The following ENPP3 variants were observed in gnomAD, a reference collection of about 807,000 sequenced individuals.
ENPP3 encodes the protein ectonucleotide pyrophosphatase/phosphodiesterase 3, also known as ectonucleotide pyrophosphatase/phosphodiesterase family member 3.
ENPP3 carries 104 observed loss-of-function variants against 117.8 expected under a neutral mutation model. The observed-to-expected ratio is 0.88, with a 90% CI of 0.75 to 1.04. The LOEUF (loss-of-function observed/expected upper bound fraction) is 1.04. Among genes scored for constraint, ENPP3 ranks in the 50% least tolerant of loss-of-function variants. ENPP3 has a pLI of 0.00. For missense variants in ENPP3, 1,026 were observed against 1,051.9 expected, an observed-to-expected ratio of 0.98 and a Z score of 0.34; for synonymous variants, 380 against 349.9, an observed-to-expected ratio of 1.09 and a Z score of -0.96.
At position 131,735,640 on chromosome 6, in the gene ENPP3, A is replaced by G. The variant is rs141776480; in HGVS notation, c.2090-1715A>G. 2.9e-4 allele frequency among the ~76,000 whole-genome samples: 44 copies of G among 152,332 alleles called. No individual in the cohort carries two copies. In the East Asian group the frequency reaches 7.7e-3, roughly 27 times the overall value. On this transcript the variant is annotated intron_variant, in intron 21 of 24. Transcript: ENST00000357639. ...TAAGATATCCAAGTACAGTTTAAGTATAAAAAGTATTATAATAGAAAATTC... is the reference window on the plus strand; with the variant it reads ...TAAGATATCCAAGTACAGTTTAAGTGTAAAAAGTATTATAATAGAAAATTC...
At chr6:131,723,477 T>A (rs1780079723) in intron 18 of ENPP3, among the ~76,000 whole-genome samples, 1 of 152,140 alleles carries the variant, frequency 6.6e-6, no homozygotes, top group Non-Finnish European at 1.5e-5. Context: ...TAAAACATGC[T>A]CAGAGAAGTT....
chr6:131,678,307 T>G (rs1482087945), intron 11 of ENPP3, among the ~76,000 whole-genome samples: 1 of 152,224 alleles, frequency 6.6e-6, no homozygotes, highest in Non-Finnish European at 1.5e-5. Context: ...GCAAGTCCAC[T>G]GTGGTATATC....
chr6:131,668,186 G>A (rs572713864), intron 6 of ENPP3, among the ~76,000 whole-genome samples: 1 of 138,884 alleles, frequency 7.2e-6, no homozygotes, highest in Admixed American at 7.2e-5. Context: ...GTTTTTTTTT[G>A]AGTCGGAGTC....
chr6:131,724,990 C>G (rs1430676295), intron 19 of ENPP3, among the ~76,000 whole-genome samples: 1 of 149,586 alleles, frequency 6.7e-6, no homozygotes, highest in African/African-American at 2.5e-5. Flanking sequence ...AGACAGATCA[C>G]TTGAGGTGAG....
chr6:131,693,793 T>C (rs1779343612), intron 15 of ENPP3, among the ~76,000 whole-genome samples, 169 bp downstream of exon 15: 1 of 152,224 alleles, frequency 6.6e-6, no homozygotes, highest in East Asian at 1.9e-4. Flanking sequence ...GTGATCGTTA[T>C]TAGATTGCTG....
At chr6:131,659,967 T>A (rs2114341215) in intron 6 of ENPP3, among the ~76,000 whole-genome samples, 2 of 152,340 alleles carry the variant, frequency 1.3e-5, no homozygotes, top group South Asian at 4.1e-4. Flanking sequence ...ATTCAGCCAC[T>A]AAGAGCTTTC....
chr6:131,716,495 G>C (rs1302652304), intron 15 of ENPP3, among the ~76,000 whole-genome samples: 1 of 151,420 alleles, frequency 6.6e-6, no homozygotes, highest in East Asian at 2.0e-4. Flanking sequence ...ACCATAGTAC[G>C]AGCATTAGAA....
At chr6:131,682,919 G>T (rs1779056711) in intron 11 of ENPP3, 135 bp from the exon 12 acceptor site, 1 of 657,828 alleles carries the variant, frequency 1.5e-6, no homozygotes, top group Non-Finnish European at 2.7e-6. Context: ...GGGTGCTAGT[G>T]CTGGGCTCTG....
intron 15 of ENPP3, among the ~76,000 whole-genome samples, chr6:131,696,705 G>A (rs561971445): frequency 6.6e-6 from 1 of 151,550 alleles, no homozygotes; most frequent in South Asian, 2.1e-4. Context: ...GCCAAGCCTT[G>A]AACACTGCCA....
chr6:131,646,276 G>C (rs961233706), intron 2 of ENPP3, among the ~76,000 whole-genome samples: 4 of 90,366 alleles, frequency 4.4e-5, no homozygotes, highest in African/African-American at 8.9e-5. Context: ...TCAATACTCT[G>C]TGTGTGTGTG....
At chr6:131,716,269 A>G (rs1779886147) in intron 15 of ENPP3, among the ~76,000 whole-genome samples, 2 of 152,332 alleles carry the variant, frequency 1.3e-5, no homozygotes, top group Middle Eastern at 6.8e-3. Flanking sequence ...GTAACTTCCA[A>G]AGCTAAATTA....
At chr6:131,640,635 TA>T (rs1282061584) in intron 1 of ENPP3, among the ~76,000 whole-genome samples, 4 of 152,250 alleles carry the variant, frequency 2.6e-5, no homozygotes, top group Non-Finnish European at 4.4e-5. Context: ...TGTCTGAAAC[TA>T]TAACAAAGGT....
At chr6:131,745,737 A>G (rs1005118669) in intron 24 of ENPP3, among the ~76,000 whole-genome samples, 3 of 152,218 alleles carry the variant, frequency 2.0e-5, no homozygotes. Context: ...ATGTGGGGAA[A>G]TGGGAATTAT....
chr6:131,722,234 A>G lies in ENPP3; in HGVS notation c.1575A>G (p.Leu525=). 6.2e-7 allele frequency: 1 copy of G among 1,610,924 alleles called. No homozygotes were observed. Among genetic ancestry groups the G allele is most frequent in the Non-Finnish European group, 8.5e-7 (1 of 1,179,044 alleles). The change falls in exon 18 of 25, where the codon CTA becomes CTG. Residue 525 remains leucine, a synonymous_variant. Coordinates refer to ENST00000357639, the MANE Select transcript of ENPP3 (RefSeq NM_005021.5). ...AATTTTTTCAAAAAACAGATCTTCT[A>G]CGCATTCAACCAGCACCAAACAATG... ...IEVYNLMCDL[L]RIQPAPNNGT...
intron 7 of ENPP3, among the ~76,000 whole-genome samples, chr6:131,672,622 C>T (rs1778770001): frequency 6.6e-6 from 1 of 151,860 alleles, no homozygotes; most frequent in African/African-American, 2.4e-5. Context: ...GTGTTCATGA[C>T]AACTTTATAG....
chr6:131,684,604 G>A lies in ENPP3; in HGVS notation c.1121-760G>A, dbSNP rs753869590. On this transcript the variant is annotated intron_variant, in intron 12 of 24. Coordinates refer to ENST00000357639, the MANE Select transcript of ENPP3 (RefSeq NM_005021.5). Reference sequence around the variant, plus strand: ...TGAGACAGGAGAATCACTTGAACCCGGGAAGTGGAGGCTGCAGTGCAGTGA... The same window carrying A: ...TGAGACAGGAGAATCACTTGAACCCAGGAAGTGGAGGCTGCAGTGCAGTGA... Among the ~76,000 whole-genome samples the A allele has an allele frequency of 2.6e-4, 40 of 151,768 alleles. 1 individual carries two copies. The highest frequency in any genetic ancestry group is 7.3e-5 in the African/African-American group (3 of 41,300).
chr6:131,687,912 A>T (rs1461622570), intron 14 of ENPP3, among the ~76,000 whole-genome samples: 1 of 152,198 alleles, frequency 6.6e-6, no homozygotes, highest in African/African-American at 2.4e-5. Flanking sequence ...GTATGGGGGT[A>T]TACAGTTACA....
At position 131,650,109 on chromosome 6, in the gene ENPP3, T is replaced by C; in HGVS notation, c.237T>C (p.Gly79=). The change falls in exon 3 of 25, where the codon GGT becomes GGC. Residue 79 remains glycine (G), a synonymous_variant. Transcript: ENST00000357639. ...GTGATGTGGCATGTAAAGACCGAGG[T>C]GATTGCTGCTGGGATTTTGAAGACA... ...CRCDVACKDR[G]DCCWDFEDTC... is the part of the protein sequence containing the mutation. The C allele has an allele frequency of 7.4e-6, 12 of 1,614,036 alleles. No homozygotes were observed. The highest frequency in any genetic ancestry group is 1.0e-5 in the Non-Finnish European group (12 of 1,179,960).
intron 24 of ENPP3, among the ~76,000 whole-genome samples, chr6:131,741,782 G>C (rs946074433): frequency 1.3e-5 from 2 of 152,160 alleles, no homozygotes; most frequent in Non-Finnish European, 2.9e-5. Context: ...TTAAGTTTGT[G>C]GAAATGGGCA....
Sources: gnomAD v4.1 joint callset for allele counts (sites outside exome capture counted in the v4.1 genomes callset) on GRCh38, gnomAD v4.1.1 for gene constraint, MANE v1.5 for transcripts, NCBI Gene and HGNC (gene_info 2026-07-23, HGNC 2026-07-21) for gene names.